LRRFIP1: variants seen among roughly 807,000 people sequenced by gnomAD.
LRRFIP1 encodes the protein leucine-rich repeat flightless-interacting protein 1.
Under a neutral mutation model 104.4 loss-of-function variants are expected in LRRFIP1, and 62 were observed. The observed-to-expected ratio is 0.59, with a 90% CI of 0.48 to 0.73. LRRFIP1 has a LOEUF of 0.73. LRRFIP1 is among the 30% of genes least tolerant of loss of function. The pLI, the probability that LRRFIP1 is intolerant of heterozygous loss-of-function variation, is 0.00. For synonymous variants in LRRFIP1, 300 were observed against 299.0 expected (o/e 1.00, Z -0.03); for missense variants, 796 against 824.5 (o/e 0.97, Z 0.42).
In LRRFIP1 at chr2:237,735,115, GAGCTGGAAAGGTGGTTCTC is replaced by G. The variant is rs949840094; in HGVS notation, c.490-149_490-131del. On this transcript the variant is annotated intron_variant, in intron 9 of 23. Transcript: ENST00000308482. This position sits in a 1 kb window ranked among gnomAD's most constrained non-coding sequence, Gnocchi z 4.6. ...TTGTCGCACTCTGCAACCCTTTGAAGAGCTGGAAAGGTGGTTCTCAGCCTCCCCTGCATGCTTTTTCAGG... is the reference window on the plus strand; with the variant it reads ...TTGTCGCACTCTGCAACCCTTTGAAGAGCCTCCCCTGCATGCTTTTTCAGG... Among the ~76,000 whole-genome samples the G allele has an allele frequency of 6.6e-5, 10 of 152,184 alleles. No individual in the cohort carries two copies. Among genetic ancestry groups the G allele is most frequent in the African/African-American group, 2.4e-4 (10 of 41,430 alleles).
intron 1 of LRRFIP1, among the ~76,000 whole-genome samples, chr2:237,678,192 G>A (rs1254508128): frequency 6.6e-6 from 1 of 151,996 alleles, no homozygotes; most frequent in African/African-American, 2.4e-5. Context: ...GAAATCACCG[G>A]GTGCCTTAAA....
At chr2:237,712,787 G>A (rs537629527) in intron 2 of LRRFIP1, among the ~76,000 whole-genome samples, 1 of 152,226 alleles carries the variant, frequency 6.6e-6, no homozygotes, top group South Asian at 2.1e-4. Flanking sequence ...GTGCACTGAC[G>A]ACACCTCCCT....
At chr2:237,712,330 T>C (rs1430636236) in intron 2 of LRRFIP1, among the ~76,000 whole-genome samples, 1 of 151,838 alleles carries the variant, frequency 6.6e-6, no homozygotes, top group Admixed American at 6.6e-5. Flanking sequence ...GAGGAGGGAG[T>C]GAATCCGTGG....
chr2:237,664,460 G>A (rs2088789029), intron 1 of LRRFIP1, among the ~76,000 whole-genome samples: 2 of 152,158 alleles, frequency 1.3e-5, no homozygotes, highest in African/African-American at 2.4e-5. Context: ...ATGCCGCCTC[G>A]GGAACAGAAA....
chr2:237,642,948 C>T (rs936273502), intron 1 of LRRFIP1, among the ~76,000 whole-genome samples: 6 of 152,200 alleles, frequency 3.9e-5, no homozygotes, highest in Non-Finnish European at 5.9e-5. Flanking sequence ...AAGTCCGCCC[C>T]CGTTTTACCA....
At chr2:237,710,865 C>T (rs891603156) in intron 2 of LRRFIP1, among the ~76,000 whole-genome samples, 6 of 152,060 alleles carry the variant, frequency 3.9e-5, no homozygotes, top group African/African-American at 1.4e-4. Context: ...TGGACTCCCA[C>T]GTCTCTGTTG....
At chr2:237,636,761 C>T (rs2083182359) in intron 1 of LRRFIP1, among the ~76,000 whole-genome samples, 1 of 152,196 alleles carries the variant, frequency 6.6e-6, no homozygotes, top group African/African-American at 2.4e-5. Context: ...AAAGTGTGAA[C>T]AGGAAGCCAC....
chr2:237,766,144 C>T lies in LRRFIP1; in HGVS notation c.1460-3799C>T, dbSNP rs930340684. 6.6e-6 allele frequency among the ~76,000 whole-genome samples: 1 copy of T among 152,148 alleles called. No homozygotes were observed. The highest frequency in any genetic ancestry group is 1.5e-5 in the Non-Finnish European group (1 of 68,024). ...AACTGAGACGATTGTCACGCACCAT[C>T]CCCTGTGATCTGTGGTTCTGATGTG... On this transcript the variant is annotated intron_variant, in intron 19 of 23. Coordinates refer to ENST00000308482, the MANE Select transcript of LRRFIP1 (RefSeq NM_001137550.2). This position sits in a 1 kb window ranked among gnomAD's most constrained non-coding sequence, Gnocchi z 4.8.
At chr2:237,671,377 A>C (rs895224569) in intron 1 of LRRFIP1, among the ~76,000 whole-genome samples, 2 of 152,238 alleles carry the variant, frequency 1.3e-5, no homozygotes, top group Non-Finnish European at 2.9e-5. Flanking sequence ...ACAAATGCTA[A>C]TTTGCTTGTC....
chr2:237,749,081 C>T (rs1231644959), intron 12 of LRRFIP1, 118 bp from the exon 13 acceptor site: 38 of 1,056,332 alleles, frequency 3.6e-5, no homozygotes, highest in Non-Finnish European at 5.0e-5. Context: ...GATCCAGTCT[C>T]CTCCCACCAG....
Position 237,678,873 on chromosome 2 carries a change from A to G in LRRFIP1, c.97-29671A>G, listed in dbSNP as rs1458198925. On this transcript the variant is annotated intron_variant, in intron 1 of 23. Coordinates refer to ENST00000308482, the MANE Select transcript of LRRFIP1 (RefSeq NM_001137550.2). ...CCTTCATTGCACTTACATCTCTAGT[A>G]TTGTATTTACTTAAATAATGATTAT... Among the ~76,000 whole-genome samples the G allele has an allele frequency of 2.0e-5, 3 of 152,280 alleles. No individual in the cohort carries two copies. In the East Asian group the frequency reaches 5.8e-4, roughly 29 times the overall value.
chr2:237,728,226 A>T (rs755476027), intron 8 of LRRFIP1, among the ~76,000 whole-genome samples: 1 of 152,222 alleles, frequency 6.6e-6, no homozygotes, highest in South Asian at 2.1e-4. Context: ...CTCTTTCATT[A>T]CTGTATTCCC....
chr2:237,633,336 C>G (rs1275786062), intron 1 of LRRFIP1, among the ~76,000 whole-genome samples: 1 of 152,180 alleles, frequency 6.6e-6, no homozygotes, highest in Non-Finnish European at 1.5e-5. Context: ...GTGCGATTCC[C>G]AAAAGATGCT....
intron 1 of LRRFIP1, among the ~76,000 whole-genome samples, chr2:237,647,305 G>C (rs2085085457): frequency 6.6e-6 from 1 of 151,978 alleles, no homozygotes; most frequent in East Asian, 1.9e-4. Flanking sequence ...CTGCCCAATG[G>C]GACGTGGCTC....
chr2:237,720,649 G>A (rs1435186291), intron 5 of LRRFIP1, 123 bp from the exon 6 acceptor site: 5 of 766,830 alleles, frequency 6.5e-6, no homozygotes, highest in African/African-American at 5.1e-5. Flanking sequence ...GTCCAGGGGT[G>A]GCTGGCCCCC....
intron 1 of LRRFIP1, among the ~76,000 whole-genome samples, chr2:237,629,467 CTTTTTTTTTTT>C (rs745503726): frequency 8.5e-6 from 1 of 117,374 alleles, no homozygotes; most frequent in Non-Finnish European, 1.7e-5. Flanking sequence ...TTTCTTTCTT[CTTTTTTTTTTT>C]TTTTTTTTTT....
rs1395420336 is a variant in LRRFIP1 at position 237,717,464 on chromosome 2, C to T, written c.202-298C>T. On this transcript the variant is annotated intron_variant, in intron 3 of 23. Coordinates refer to ENST00000308482, the MANE Select transcript of LRRFIP1 (RefSeq NM_001137550.2). This position sits in a 1 kb window ranked among gnomAD's most constrained non-coding sequence, Gnocchi z 4.2. ...CGTGAAGGCTGCTGGGCCGGCTTTACTGTCCTGCTCTCCCCCGAGGCCCTT... is the reference window on the plus strand; with the variant it reads ...CGTGAAGGCTGCTGGGCCGGCTTTATTGTCCTGCTCTCCCCCGAGGCCCTT... Among the ~76,000 whole-genome samples the T allele has an allele frequency of 2.0e-5, 3 of 152,222 alleles. No individual in the cohort carries two copies. Among genetic ancestry groups the T allele is most frequent in the Non-Finnish European group, 2.9e-5 (2 of 68,044 alleles).
At chr2:237,751,959 C>A (rs1321705726) in intron 14 of LRRFIP1, among the ~76,000 whole-genome samples, 2 of 152,146 alleles carry the variant, frequency 1.3e-5, no homozygotes, top group East Asian at 3.9e-4. Flanking sequence ...TCCTTTTCAG[C>A]CCCCTAGAAA....
At chr2:237,637,430 T>C (rs935699061) in intron 1 of LRRFIP1, among the ~76,000 whole-genome samples, 1 of 152,148 alleles carries the variant, frequency 6.6e-6, no homozygotes, top group Non-Finnish European at 1.5e-5. Flanking sequence ...ATCACACCAC[T>C]GCACGCCATC....
Sources: gnomAD v4.1 joint callset for allele counts (sites outside exome capture counted in the v4.1 genomes callset) on GRCh38, gnomAD v4.1.1 for gene constraint, Gnocchi (gnomAD v3.1) non-coding constraint, MANE v1.5 for transcripts, NCBI Gene and HGNC (gene_info 2026-07-23, HGNC 2026-07-21) for gene names.